Variants in PPA1 observed in about 807,000 individuals in gnomAD.
PPA1 encodes the protein inorganic pyrophosphatase 1.
PPA1 carries 23 observed loss-of-function variants against 41.8 expected under a neutral mutation model. The observed-to-expected ratio is 0.55, with a 90% CI of 0.40 to 0.78. The LOEUF is 0.78. PPA1 is among the 30% of genes least tolerant of loss of function. The probability of loss-of-function intolerance (pLI) is 0.00; values close to 1 mark genes in which losing one functional copy is unlikely to be tolerated. For missense variants in PPA1, 320 were observed against 361.6 expected (o/e 0.89, Z 0.93); for synonymous variants, 101 against 116.8 (o/e 0.86, Z 0.87).
intron 2 of PPA1, among the ~76,000 whole-genome samples, chr10:70,220,463 T>C (rs1185810451): frequency 8.3e-6 from 1 of 120,786 alleles, no homozygotes; most frequent in African/African-American, 3.1e-5. Flanking sequence ...TGTGTGCGTG[T>C]ATGTGCATAT....
intron 1 of PPA1, among the ~76,000 whole-genome samples, chr10:70,231,085 T>TTAG (rs1428089215): frequency 1.6e-4 from 25 of 152,264 alleles, no homozygotes; most frequent in African/African-American, 6.0e-4. Context: ...GCCAGCCATC[T>TTAG]TAGATTATGA....
At chr10:70,207,087 G>T (rs182024309) in intron 8 of PPA1, among the ~76,000 whole-genome samples, 25 of 152,108 alleles carry the variant, frequency 1.6e-4, no homozygotes. Flanking sequence ...CAATCTTTCT[G>T]AAAAATATTT....
intron 6 of PPA1, 35 bp downstream of exon 6, chr10:70,213,428 A>G (rs191071644): frequency 3.3e-4 from 538 of 1,610,630 alleles, no homozygotes; most frequent in Admixed American, 6.8e-4. Flanking sequence ...TTATGAATTA[A>G]TTAGAAAGAC....
rs1193667058 is a variant in PPA1, at chr10:70,226,018, AC to A, written c.123+4322del. ...TGCCCCTTATTCACTTAGAATTGTG[AC>A]TTAGCAAAGAAAGACATGACTTACA... On this transcript the variant is annotated intron_variant, in intron 2 of 10. Transcript: ENST00000373232. Among the ~76,000 whole-genome samples the A allele has an allele frequency of 2.0e-5, 3 of 152,260 alleles. No individual in the cohort carries two copies. In the South Asian group the frequency reaches 6.2e-4, roughly 31 times the overall value.
intron 1 of PPA1, among the ~76,000 whole-genome samples, chr10:70,231,887 G>C (rs796516981): frequency 5.3e-5 from 8 of 152,298 alleles, no homozygotes; most frequent in African/African-American, 1.4e-4. Context: ...AGTAAAAGCA[G>C]TGTGTTTGTT....
intron 2 of PPA1, among the ~76,000 whole-genome samples, chr10:70,222,536 C>T (rs1040799994): frequency 2.0e-5 from 3 of 152,032 alleles, no homozygotes; most frequent in Admixed American, 6.6e-5. Flanking sequence ...AGTTGGATTT[C>T]CAAATCAGGT....
At position 70,217,810 on chromosome 10, in the gene PPA1, A is replaced by AC; in HGVS notation, c.297+1dup. Reference sequence around the variant, plus strand: ...ATTGTCAGCAGTTGCATGAAGACATACCTGAGGGATGGCACCATAGTTCCA... The same window carrying AC: ...ATTGTCAGCAGTTGCATGAAGACATACCCTGAGGGATGGCACCATAGTTCCA... On this transcript the variant is annotated splice_donor_variant, in intron 4 of 10. Coordinates refer to ENST00000373232, the MANE Select transcript of PPA1 (RefSeq NM_021129.4). LOFTEE classifies it high-confidence loss of function. 6.4e-7 allele frequency: 1 copy of AC among 1,557,686 alleles called. No individual in the cohort carries two copies.
At chr10:70,214,258 G>A (rs967332981) in intron 5 of PPA1, among the ~76,000 whole-genome samples, 8 of 152,154 alleles carry the variant, frequency 5.3e-5, no homozygotes, top group African/African-American at 1.9e-4. Context: ...TGCAGAACAT[G>A]TCCAGTTCTT....
chr10:70,213,502 C>A lies in PPA1; in HGVS notation c.472G>T (p.Ala158Ser). 1 of 1,614,046 alleles carries A rather than the reference C, an allele frequency of 6.2e-7. No homozygotes were observed. The highest frequency in any genetic ancestry group is 8.5e-7 in the Non-Finnish European group (1 of 1,179,944). Residue 158 changes from alanine (A) to serine (S), a missense_variant, in exon 6 of 11, where the codon GCC becomes TCC. Physicochemically the swap from Ala to Ser is moderately conservative, Grantham distance 99. Coordinates refer to ENST00000373232, the MANE Select transcript of PPA1 (RefSeq NM_021129.4). The part of the protein sequence containing the change: ...DEGETDWKVI[A>S]INVDDPDAAN... ...GCATCAGGATCATCCACATTAATGG[C>A]AATGACTTTCCAGTCGGTTTCCCCT...
chr10:70,229,076 T>A (rs1350888305), intron 2 of PPA1, among the ~76,000 whole-genome samples: 1 of 152,214 alleles, frequency 6.6e-6, no homozygotes, highest in African/African-American at 2.4e-5. Context: ...AGAAAAAGAA[T>A]AAGATATTTG....
intron 2 of PPA1, among the ~76,000 whole-genome samples, chr10:70,229,108 T>TA (rs762534413): frequency 6.6e-6 from 1 of 152,322 alleles, no homozygotes; most frequent in Non-Finnish European, 1.5e-5. Context: ...AGTTGCTAAA[T>TA]ACAGTACAAA....
chr10:70,218,998 A>T (rs894103364), intron 2 of PPA1, among the ~76,000 whole-genome samples, 181 bp from the exon 3 acceptor site: 2 of 152,190 alleles, frequency 1.3e-5, no homozygotes, highest in African/African-American at 4.8e-5. Flanking sequence ...AATTATAGGA[A>T]AATATTCATT....
chr10:70,216,694 TTTAG>T (rs1311684768), intron 4 of PPA1, among the ~76,000 whole-genome samples: 1 of 152,128 alleles, frequency 6.6e-6, no homozygotes, highest in Non-Finnish European at 1.5e-5. Flanking sequence ...AAACTGAATA[TTTAG>T]TTAGTGTCTC....
intron 3 of PPA1, 87 bp from the exon 4 acceptor site, chr10:70,218,018 A>T: frequency 8.5e-7 from 1 of 1,181,456 alleles, no homozygotes; most frequent in Non-Finnish European, 1.2e-6. Context: ...TATGGTACCT[A>T]TGTTCCCTAA....
At chr10:70,229,103 C>G (rs1298745956) in intron 2 of PPA1, among the ~76,000 whole-genome samples, 1 of 152,054 alleles carries the variant, frequency 6.6e-6, no homozygotes, top group African/African-American at 2.4e-5. Context: ...TGTTAAGTTG[C>G]TAAATACAGT....
chr10:70,226,819 CA>C (rs1488701931), intron 2 of PPA1, among the ~76,000 whole-genome samples: 3 of 152,036 alleles, frequency 2.0e-5, no homozygotes, highest in African/African-American at 7.3e-5. Flanking sequence ...GTTTCTGAAG[CA>C]TCAATCTATT....
chr10:70,206,302 T>G lies in PPA1; in HGVS notation c.757A>C (p.Lys253Gln). Residue 253 changes from lysine (K) to glutamine (Q), a missense_variant, in exon 9 of 11, where the codon AAG (lysine) becomes CAG (glutamine). By Grantham distance (53) the Lys-to-Gln change is moderately conservative. Coordinates refer to ENST00000373232, the MANE Select transcript of PPA1 (RefSeq NM_021129.4). The part of the protein sequence containing the change: ...MNTTLSESPF[K>Q]CDPDAARAIV... ...GCTCTGGCAGCATCAGGATCACACT[T>G]GAAGGGGCTCTCAGACAAAGTTGTA... The G allele has an allele frequency of 6.2e-7, 1 of 1,613,350 alleles. No homozygotes were observed. The highest frequency in any genetic ancestry group is 8.5e-7 in the Non-Finnish European group (1 of 1,179,436).
intron 2 of PPA1, 78 bp downstream of exon 2, chr10:70,230,263 G>T (rs1429436250): frequency 2.4e-5 from 36 of 1,502,848 alleles, no homozygotes; most frequent in Non-Finnish European, 3.1e-5. Flanking sequence ...CACTTGTTGA[G>T]AGACATATAA....
chr10:70,206,199 C>A, intron 9 of PPA1, 65 bp downstream of exon 9: 1 of 1,250,042 alleles, frequency 8.0e-7, no homozygotes, highest in Non-Finnish European at 1.2e-6. Flanking sequence ...TACTTCCTCT[C>A]CCCATTTAGC....
Sources: gnomAD v4.1 joint callset for allele counts (sites outside exome capture counted in the v4.1 genomes callset) on GRCh38, gnomAD v4.1.1 for gene constraint, MANE v1.5 for transcripts, NCBI Gene and HGNC (gene_info 2026-07-23, HGNC 2026-07-21) for gene names.